ARID5B: variants seen among roughly 807,000 people sequenced by gnomAD.
The protein encoded by ARID5B is AT-rich interactive domain-containing protein 5B.
In ARID5B, 13 loss-of-function variants were observed where a neutral mutation model predicts 97.2. That is an observed-to-expected ratio of 0.13 (90% confidence interval 0.09 to 0.21). The LOEUF is 0.21. Among genes scored for constraint, ARID5B ranks in the 10% least tolerant of loss-of-function variants. ARID5B has a pLI of 1.00. For synonymous variants in ARID5B, 556 were observed against 570.3 expected (o/e 0.97, Z 0.36); for missense variants, 1,210 against 1,465.3 (o/e 0.83, Z 2.84).
chr10:62,000,382 T>C lies in ARID5B; in HGVS notation c.733+61T>C. Reference sequence around the variant, plus strand: ...TGCGTGTGTGCCTAGTTGTTTTCAGTTCTTCTGAAGAGCGGTGATGGGGAA... The same window carrying C: ...TGCGTGTGTGCCTAGTTGTTTTCAGCTCTTCTGAAGAGCGGTGATGGGGAA... On this transcript the variant is annotated intron_variant, in intron 4 of 9. Coordinates refer to ENST00000279873, the MANE Select transcript of ARID5B (RefSeq NM_032199.3). The surrounding 1 kb of genome is among the most constrained non-coding windows in gnomAD (Gnocchi z 4.4). 6.9e-7 allele frequency: 1 copy of C among 1,454,738 alleles called. No homozygotes were observed. Among genetic ancestry groups the C allele is most frequent in the Non-Finnish European group, 9.3e-7 (1 of 1,070,960 alleles). The allele number at this position is 1,454,738 out of a possible 1,614,324, so 90.1% of individuals were successfully genotyped here. A position where few individuals can be genotyped will look rare whatever the true frequency, so the allele number is the denominator to read the frequency against.
chr10:61,912,725 C>T (rs116870695), intron 2 of ARID5B, among the ~76,000 whole-genome samples: 3,907 of 150,704 alleles, frequency 0.026, 74 homozygotes, highest in Non-Finnish European at 0.041. Context: ...GATAACTTGT[C>T]CTGTTATCTC....
intron 4 of ARID5B, among the ~76,000 whole-genome samples, chr10:62,049,791 T>C (rs923031864): frequency 3.9e-5 from 6 of 152,222 alleles, no homozygotes; most frequent in Admixed American, 3.3e-4. Context: ...CTAAAACCAC[T>C]GGTTAACTGC....
chr10:62,068,455 C>T (rs1413911040), intron 7 of ARID5B, among the ~76,000 whole-genome samples: 1 of 152,026 alleles, frequency 6.6e-6, no homozygotes, highest in Non-Finnish European at 1.5e-5. Flanking sequence ...ACCATTTACC[C>T]CATAATATTT....
chr10:62,024,839 A>T (rs1589262901), intron 4 of ARID5B: 1 of 369,528 alleles, frequency 2.7e-6, no homozygotes, highest in South Asian at 1.5e-4. Flanking sequence ...AATGGCTTGG[A>T]AAGAACTTTT....
chr10:61,902,030 ACC>A, intron 1 of ARID5B, 127 bp from the exon 2 acceptor site: 1 of 1,120,448 alleles, frequency 8.9e-7, no homozygotes, highest in East Asian at 2.4e-5. Context: ...TTATTTTTCC[ACC>A]CAGCGTTATA....
rs1844210669 is a variant in ARID5B at position 61,931,575 on chromosome 10, A to G, written c.277-8608A>G. Among the ~76,000 whole-genome samples, 3 of 152,246 alleles carry G rather than the reference A, an allele frequency of 2.0e-5. 1 individual carries two copies. The South Asian group carries it at 6.2e-4, about 31-fold the overall frequency. On this transcript the variant is annotated intron_variant, in intron 2 of 9. Transcript: ENST00000279873. ...TACGAGAATTTTAAAACAAGCTACA[A>G]AATAGGAGAAAGTGGTTTCAAACCA...
rs943057135 is a variant in ARID5B, at chr10:62,094,583, C to T, written c.*1553C>T. 11 of 231,234 alleles carry T rather than the reference C, an allele frequency of 4.8e-5. No homozygotes were observed. Among genetic ancestry groups the T allele is most frequent in the African/African-American group, 2.4e-4 (11 of 45,210 alleles). 14.3% of individuals were successfully genotyped at this position (231,234 alleles called of 1,614,324 possible). A position where few individuals can be genotyped will look rare whatever the true frequency, so the allele number is the denominator to read the frequency against. ...GAAGTAAATGGTCAAGCTGCTCAGG[C>T]AGTGAAAAGATGTGGAGAATGTCCG... On this transcript the variant is annotated 3_prime_UTR_variant, in exon 10 of 10. Coordinates refer to ENST00000279873, the MANE Select transcript of ARID5B (RefSeq NM_032199.3).
At chr10:61,971,606 T>G (rs1838628112) in intron 3 of ARID5B, among the ~76,000 whole-genome samples, 1 of 152,256 alleles carries the variant, frequency 6.6e-6, no homozygotes, top group Admixed American at 6.5e-5. Context: ...TGGCGAAGCC[T>G]GTAGAACTGC....
chr10:62,008,740 A>C (rs564050217), intron 4 of ARID5B, among the ~76,000 whole-genome samples: 35 of 152,290 alleles, frequency 2.3e-4, no homozygotes, highest in African/African-American at 7.0e-4. Flanking sequence ...CAGAAACAGA[A>C]ATGAGGATAG....
chr10:62,017,451 C>T (rs985426767), intron 4 of ARID5B, among the ~76,000 whole-genome samples: 4 of 146,468 alleles, frequency 2.7e-5, no homozygotes, highest in East Asian at 2.0e-4. Context: ...GACCCCGTCT[C>T]GAAAAAAAAA....
At chr10:61,919,300 A>T (rs528573260) in intron 2 of ARID5B, among the ~76,000 whole-genome samples, 1 of 152,134 alleles carries the variant, frequency 6.6e-6, no homozygotes, top group African/African-American at 2.4e-5. Flanking sequence ...AGTTTCCTGT[A>T]TTTTCTTTTC....
chr10:62,001,166 C>T (rs1375650830), intron 4 of ARID5B, among the ~76,000 whole-genome samples: 1 of 152,184 alleles, frequency 6.6e-6, no homozygotes, highest in African/African-American at 2.4e-5. Flanking sequence ...TGGATCATAT[C>T]AGTGGTTTTC....
chr10:61,988,180 C>G (rs148229272), intron 3 of ARID5B, among the ~76,000 whole-genome samples: 2 of 152,276 alleles, frequency 1.3e-5, no homozygotes, highest in Admixed American at 1.3e-4. Flanking sequence ...ACTGCTTTGC[C>G]GTGAGATTAA....
intron 8 of ARID5B, among the ~76,000 whole-genome samples, chr10:62,083,412 G>C (rs866619703): frequency 6.6e-6 from 1 of 151,660 alleles, no homozygotes; most frequent in African/African-American, 2.4e-5. Flanking sequence ...CCCATCTAGA[G>C]AGCCAGGTTG....
In ARID5B at chr10:62,093,508, T is replaced by C. The variant is rs1840417498; in HGVS notation, c.*478T>C. On this transcript the variant is annotated 3_prime_UTR_variant, in exon 10 of 10. Coordinates refer to ENST00000279873, the MANE Select transcript of ARID5B (RefSeq NM_032199.3). The stretch of plus-strand genomic sequence containing the variant: ...GTATAGTGAAACTTCAATAGATCTT[T>C]CATTTTGACACTATTAAACAATCCA... 1 of 237,760 alleles carries C rather than the reference T, an allele frequency of 4.2e-6. No homozygotes were observed. Among genetic ancestry groups the C allele is most frequent in the Admixed American group, 5.5e-5 (1 of 18,202 alleles). 14.7% of individuals were successfully genotyped at this position (237,760 alleles called of 1,614,324 possible).
At chr10:61,973,130 G>A (rs1838652098) in intron 3 of ARID5B, among the ~76,000 whole-genome samples, 1 of 152,202 alleles carries the variant, frequency 6.6e-6, no homozygotes, top group Non-Finnish European at 1.5e-5. Context: ...GCCTCTGAGG[G>A]CCTATATTTG....
At chr10:62,056,574 A>G (rs192299432) in intron 5 of ARID5B, among the ~76,000 whole-genome samples, 1 of 152,330 alleles carries the variant, frequency 6.6e-6, no homozygotes, top group Admixed American at 6.5e-5. Flanking sequence ...AGTATAAAAT[A>G]TGGTTCTATT....
At chr10:61,972,906 G>A (rs1838648581) in intron 3 of ARID5B, among the ~76,000 whole-genome samples, 1 of 152,208 alleles carries the variant, frequency 6.6e-6, no homozygotes, top group Non-Finnish European at 1.5e-5. Flanking sequence ...GCTACAGCCA[G>A]TGTGAAATGA....
At chr10:62,086,008 A>G in intron 9 of ARID5B, 108 bp downstream of exon 9, 5 of 1,165,026 alleles carry the variant, frequency 4.3e-6, no homozygotes, top group Non-Finnish European at 6.1e-6. Flanking sequence ...GGATGGCTTG[A>G]TGAAGAAACC....
Sources: allele counts gnomAD v4.1 joint callset (sites outside exome capture counted in the v4.1 genomes callset), GRCh38; gene constraint gnomAD v4.1.1; non-coding constraint Gnocchi (gnomAD v3.1); transcripts MANE v1.5; gene names NCBI Gene and HGNC (gene_info 2026-07-23, HGNC 2026-07-21).